Variants in ZNHIT6 observed in about 807,000 individuals in gnomAD.
The protein encoded by ZNHIT6 is zinc finger HIT-type containing 6.
A neutral mutation model predicts 57.2 loss-of-function variants in ZNHIT6; 45 were observed. The ratio of observed to expected loss-of-function variants is 0.79; its 90% confidence interval spans 0.62 to 1.01. The LOEUF (loss-of-function observed/expected upper bound fraction) is 1.01. ZNHIT6 is among the 50% of genes least tolerant of loss of function. ZNHIT6 has a pLI of 0.00. For missense variants in ZNHIT6, 528 were observed against 567.3 expected (o/e 0.93, Z 0.70); for synonymous variants, 188 against 190.0 (o/e 0.99, Z 0.09).
intron 5 of ZNHIT6, among the ~76,000 whole-genome samples, chr1:85,687,299 C>CAAAAA (rs55889012): frequency 2.6e-5 from 2 of 77,936 alleles, no homozygotes; most frequent in African/African-American, 9.6e-5. Context: ...AAAAAAAAAA[C>CAAAAA]AAAAAAAAAA....
At chr1:85,668,662 A>G (rs894809365) in intron 8 of ZNHIT6, among the ~76,000 whole-genome samples, 1 of 152,188 alleles carries the variant, frequency 6.6e-6, no homozygotes, top group African/African-American at 2.4e-5. Flanking sequence ...GAGTATCTTC[A>G]AAGTATATTT....
In ZNHIT6 at chr1:85,706,267, C is replaced by T. The variant is rs888420061; in HGVS notation, c.811G>A (p.Glu271Lys). The T allele has an allele frequency of 3.7e-6, 6 of 1,611,204 alleles. No individual in the cohort carries two copies. In the African/African-American group the frequency reaches 8.0e-5, roughly 22 times the overall value. The change falls in exon 3 of 10, where the codon GAA becomes AAA. Residue 271 changes from glutamate to lysine, a missense_variant. Physicochemically the swap from Glu to Lys is moderately conservative, Grantham distance 56. Transcript: ENST00000370574. ...GGCTTACCACTTAGGAGATTCATTT[C>T]AGTAAACTGTTGTATTGAAATGTAT... ...TAYISIQQFT[E>K]MNLLSDYRFL...
intron 4 of ZNHIT6, among the ~76,000 whole-genome samples, 163 bp downstream of exon 4, chr1:85,705,915 C>G (rs1662670567): frequency 6.6e-6 from 1 of 151,982 alleles, no homozygotes; most frequent in Non-Finnish European, 1.5e-5. Context: ...AATACAACTC[C>G]ACGAGGGGAC....
At chr1:85,684,644 A>T (rs1331482719) in intron 5 of ZNHIT6, among the ~76,000 whole-genome samples, 2 of 152,234 alleles carry the variant, frequency 1.3e-5, no homozygotes, top group Admixed American at 6.5e-5. Context: ...AATACAGAGC[A>T]CTTATTTACC....
rs1660916323 is a variant in ZNHIT6 at position 85,651,721 on chromosome 1, A to G, written c.*2337T>C. On this transcript the variant is annotated 3_prime_UTR_variant, in exon 10 of 10. Coordinates refer to ENST00000370574, the MANE Select transcript of ZNHIT6 (RefSeq NM_017953.4). Reference sequence around the variant, plus strand: ...ATGTGATTCATGAACAAAATGCAGGATGCTGAACTTAACATGGGTCAAGGA... The same window carrying G: ...ATGTGATTCATGAACAAAATGCAGGGTGCTGAACTTAACATGGGTCAAGGA... 6.6e-6 allele frequency: 1 copy of G among 152,208 alleles called. No homozygotes were observed. The highest frequency in any genetic ancestry group is 6.5e-5 in the Admixed American group (1 of 15,274). 9.4% of individuals were successfully genotyped at this position (152,208 alleles called of 1,614,324 possible).
At chr1:85,675,182 A>G (rs1267933747) in intron 8 of ZNHIT6, among the ~76,000 whole-genome samples, 2 of 152,228 alleles carry the variant, frequency 1.3e-5, no homozygotes, top group Non-Finnish European at 2.9e-5. Context: ...TCAGAAAGCT[A>G]CAAGTCAAAA....
Position 85,707,615 on chromosome 1 carries a change from C to A in ZNHIT6, c.656+14G>T. 6.5e-7 allele frequency: 1 copy of A among 1,529,660 alleles called. No individual in the cohort carries two copies. Among genetic ancestry groups the A allele is most frequent in the African/African-American group, 1.4e-5 (1 of 71,910 alleles). 94.8% of individuals were successfully genotyped at this position (1,529,660 alleles called of 1,614,324 possible). On this transcript the variant is annotated intron_variant, in intron 1 of 9. Coordinates refer to ENST00000370574, the MANE Select transcript of ZNHIT6 (RefSeq NM_017953.4). ...ACAGCTTTATTCCCCTAAATGGAAT[C>A]CCCCATGCCCTACCTTGACATGGCC...
intron 8 of ZNHIT6, among the ~76,000 whole-genome samples, chr1:85,676,599 C>T (rs909531602): frequency 6.6e-6 from 1 of 152,046 alleles, no homozygotes; most frequent in Admixed American, 6.6e-5. Flanking sequence ...TATTAATTGG[C>T]CTAATTTCAA....
intron 8 of ZNHIT6, among the ~76,000 whole-genome samples, chr1:85,671,559 T>C (rs1375167891): frequency 6.6e-6 from 1 of 151,960 alleles, no homozygotes; most frequent in Admixed American, 6.6e-5. Context: ...CTACCAGACA[T>C]GTGGAACTTA....
chr1:85,662,193 C>A (rs1262993197), intron 8 of ZNHIT6, among the ~76,000 whole-genome samples: 1 of 146,264 alleles, frequency 6.8e-6, no homozygotes, highest in Non-Finnish European at 1.5e-5. Flanking sequence ...CCACAAAAGA[C>A]AAGTTTTTAA....
In ZNHIT6 at chr1:85,677,297, G is replaced by C; in HGVS notation, c.1186C>G (p.Arg396Gly). 1 of 1,606,260 alleles carries C rather than the reference G, an allele frequency of 6.2e-7. No homozygotes were observed. Among genetic ancestry groups the C allele is most frequent in the South Asian group, 1.1e-5 (1 of 88,738 alleles). ...AAAATCTGAACCCCAGTCTGAGAGC[G>C]AATGTAGGCTTTCAACCTGAAATAA... ...VIRQRLKAYI[R>G]SQTGVQILMK... The change falls in exon 8 of 10, where the codon CGC (arginine) becomes GGC (glycine). Residue 396 changes from arginine to glycine, a missense_variant. Physicochemically the swap from Arg to Gly is moderately radical, Grantham distance 125. Transcript: ENST00000370574.
chr1:85,704,296 C>T (rs1662617499), intron 4 of ZNHIT6, among the ~76,000 whole-genome samples: 1 of 152,110 alleles, frequency 6.6e-6, no homozygotes, highest in East Asian at 1.9e-4. Flanking sequence ...CACATGTTCA[C>T]ACACATACTA....
At chr1:85,687,299 C>CAAAAAAAA (rs55889012) in intron 5 of ZNHIT6, among the ~76,000 whole-genome samples, 1 of 77,936 alleles carries the variant, frequency 1.3e-5, no homozygotes, top group Non-Finnish European at 2.3e-5. Context: ...AAAAAAAAAA[C>CAAAAAAAA]AAAAAAAAAA....
Position 85,680,814 on chromosome 1 carries a change from G to C in ZNHIT6, c.1088+22C>G, listed in dbSNP as rs1040213708. 3 of 1,581,530 alleles carry C rather than the reference G, an allele frequency of 1.9e-6. No individual in the cohort carries two copies. The Admixed American group carries it at 5.2e-5, about 27-fold the overall frequency. On this transcript the variant is annotated intron_variant, in intron 6 of 9. Coordinates refer to ENST00000370574, the MANE Select transcript of ZNHIT6 (RefSeq NM_017953.4). ...AGCCTTCAAATTAAAACAAATCAGT[G>C]ATTGAAAGATAGCAGTGATACCTTT...
chr1:85,694,468 CT>C (rs67553129), intron 5 of ZNHIT6, among the ~76,000 whole-genome samples: 2 of 148,566 alleles, frequency 1.3e-5, no homozygotes. Flanking sequence ...TTTCGTTTTT[CT>C]TTTTTTTTTT....
chr1:85,703,972 C>T (rs550304017), intron 4 of ZNHIT6, among the ~76,000 whole-genome samples: 1 of 152,216 alleles, frequency 6.6e-6, no homozygotes, highest in East Asian at 1.9e-4. Flanking sequence ...AAGACTTGAA[C>T]AGGCACTGCA....
rs531632247 is a variant in ZNHIT6, at chr1:85,650,522, T to A, written c.*3536A>T. ...CTTGCATATAAACAACACATTTTAA[T>A]GCAACAGAGTACAGCTTAGTCCATT... On this transcript the variant is annotated 3_prime_UTR_variant, in exon 10 of 10. Coordinates refer to ENST00000370574, the MANE Select transcript of ZNHIT6 (RefSeq NM_017953.4). The A allele has an allele frequency of 3.3e-5, 5 of 152,354 alleles. No individual in the cohort carries two copies. The highest frequency in any genetic ancestry group is 7.4e-5 in the Non-Finnish European group (5 of 68,024). The allele number at this position is 152,354 out of a possible 1,614,324, so 9.4% of individuals were successfully genotyped here.
In ZNHIT6 at chr1:85,657,722, T is replaced by C. The variant is rs116558780; in HGVS notation, c.1372+125A>G. 1,139 of 882,766 alleles carry C rather than the reference T, an allele frequency of 1.3e-3. 6 individuals are homozygous for C. The African/African-American group carries it at 0.017, about 13-fold the overall frequency. 54.7% of individuals were successfully genotyped at this position (882,766 alleles called of 1,614,324 possible). ...CCTGGTTCTTCACATTAACTAGCTA[T>C]ACAGTAGATCCTGTAAGTGTGTAAA... On this transcript the variant is annotated intron_variant, in intron 9 of 9. Transcript: ENST00000370574.
intron 8 of ZNHIT6, among the ~76,000 whole-genome samples, chr1:85,673,884 TA>T: frequency 6.6e-6 from 1 of 152,310 alleles, no homozygotes; most frequent in East Asian, 1.9e-4. Flanking sequence ...AATCTACGCC[TA>T]AATATATCTC....
Sources: allele counts gnomAD v4.1 joint callset (sites outside exome capture counted in the v4.1 genomes callset), GRCh38; gene constraint gnomAD v4.1.1; transcripts MANE v1.5; gene names NCBI Gene and HGNC (gene_info 2026-07-23, HGNC 2026-07-21).